PHF19: variants seen among roughly 807,000 people sequenced by gnomAD.
PHF19 encodes the protein polycomb like 3.
PHF19 carries 21 observed loss-of-function variants against 79.8 expected under a neutral mutation model. That is an observed-to-expected ratio of 0.26 (90% CI 0.19 to 0.38). PHF19 has a LOEUF of 0.38. Among genes scored for constraint, PHF19 ranks in the 10% least tolerant of loss-of-function variants. The pLI, the probability that PHF19 is intolerant of heterozygous loss-of-function variation, is 1.00. For missense variants in PHF19, 445 were observed against 744.2 expected, an observed-to-expected ratio of 0.60 and a Z score of 4.68; for synonymous variants, 273 against 296.3, an observed-to-expected ratio of 0.92 and a Z score of 0.81.
intron 1 of PHF19, among the ~76,000 whole-genome samples, chr9:120,889,199 G>A (rs970760234): frequency 6.6e-6 from 1 of 152,114 alleles, no homozygotes; most frequent in African/African-American, 2.4e-5. Context: ...AGGCTGAGGC[G>A]GGCGGATCAC....
In PHF19 at chr9:120,862,050, G is replaced by A. The variant is rs1353683045; in HGVS notation, c.1131-45C>T. On this transcript the variant is annotated intron_variant, in intron 11 of 14. Transcript: ENST00000373896. The surrounding 1 kb of genome is among the most constrained non-coding windows in gnomAD (Gnocchi z 4.6). ...AGAAGGTGGCCCCGTCAGAGCCTGA[G>A]GGCCCTAGGGTGGCCCAGAGGGAGG... 1 of 1,459,178 alleles carries A rather than the reference G, an allele frequency of 6.9e-7. No individual in the cohort carries two copies. Among genetic ancestry groups the A allele is most frequent in the Non-Finnish European group, 9.6e-7 (1 of 1,038,610 alleles). The allele number at this position is 1,459,178 out of a possible 1,614,324, so 90.4% of individuals were successfully genotyped here.
rs1008034515 is a variant in PHF19 at position 120,857,457 on chromosome 9, C to T, written c.*487G>A. Reference sequence around the variant, plus strand: ...CACTGAGCAGCATCCTCTTATCCACCTTCTCCCATGCTCTCTCAAAGGTGC... The same window carrying T: ...CACTGAGCAGCATCCTCTTATCCACTTTCTCCCATGCTCTCTCAAAGGTGC... On this transcript the variant is annotated 3_prime_UTR_variant, in exon 15 of 15. Coordinates refer to ENST00000373896, the MANE Select transcript of PHF19 (RefSeq NM_015651.3). 6.5e-6 allele frequency: 1 copy of T among 154,590 alleles called. No individual in the cohort carries two copies. The highest frequency in any genetic ancestry group is 2.4e-5 in the African/African-American group (1 of 41,528). 9.6% of individuals were successfully genotyped at this position (154,590 alleles called of 1,614,324 possible). A position where few individuals can be genotyped will look rare whatever the true frequency, so the allele number is the denominator to read the frequency against.
Position 120,862,027 on chromosome 9 carries a change from AAG to A in PHF19, c.1131-24_1131-23del. 1 of 1,589,746 alleles carries A rather than the reference AAG, an allele frequency of 6.3e-7. No homozygotes were observed. Among genetic ancestry groups the A allele is most frequent in the East Asian group, 2.2e-5 (1 of 44,734 alleles). ...CAAACTGTGGAGACAGAAGAGGGAGAAGGTGGCCCCGTCAGAGCCTGAGGGCC... is the reference window on the plus strand; with the variant it reads ...CAAACTGTGGAGACAGAAGAGGGAGAGTGGCCCCGTCAGAGCCTGAGGGCC... On this transcript the variant is annotated intron_variant, in intron 11 of 14. Transcript: ENST00000373896. This position sits in a 1 kb window ranked among gnomAD's most constrained non-coding sequence, Gnocchi z 4.6.
At position 120,857,638 on chromosome 9, in the gene PHF19, C is replaced by T. The variant is rs1588083451; in HGVS notation, c.*306G>A. On this transcript the variant is annotated 3_prime_UTR_variant, in exon 15 of 15. Transcript: ENST00000373896. ...CAACTGGGGACAAAGACCTGGGCCT[C>T]AGGAGGAAGGGTCCCAGCGCAGGGG... 2 of 299,740 alleles carry T rather than the reference C, an allele frequency of 6.7e-6. No individual in the cohort carries two copies. The highest frequency in any genetic ancestry group is 1.0e-4 in the Admixed American group (2 of 19,840). The allele number at this position is 299,740 out of a possible 1,614,324, so 18.6% of individuals were successfully genotyped here.
chr9:120,861,821 T>A lies in PHF19; in HGVS notation c.1218+97A>T, dbSNP rs935058946. 4.8e-6 allele frequency: 4 copies of A among 836,318 alleles called. No homozygotes were observed. The South Asian group carries it at 5.3e-5, about 11-fold the overall frequency. The allele number at this position is 836,318 out of a possible 1,614,324, so 51.8% of individuals were successfully genotyped here. ...GGCTTCTTTAAGGGACATGAGAGAG[T>A]CCTCTGGGCCTGGGGGACTTAGTTT... On this transcript the variant is annotated intron_variant, in intron 12 of 14. Coordinates refer to ENST00000373896, the MANE Select transcript of PHF19 (RefSeq NM_015651.3).
upstream of PHF19, among the ~76,000 whole-genome samples, chr9:120,881,146 T>TTTAA (rs67054335): frequency 0.68 from 98,362 of 143,810 alleles, 34,073 homozygotes; most frequent in Middle Eastern, 0.8. Context: ...ACATCGGGGG[T>TTTAA]TTGTTTTTTT....
intron 3 of PHF19, among the ~76,000 whole-genome samples, chr9:120,872,033 G>A: frequency 1.7e-5 from 1 of 58,152 alleles, no homozygotes; most frequent in Non-Finnish European, 3.0e-5. Flanking sequence ...GCAAGACTCT[G>A]TCTCAAAAAA....
upstream of PHF19, chr9:120,877,280 C>T (rs2046093893): frequency 5.4e-6 from 5 of 930,384 alleles, no homozygotes; most frequent in Non-Finnish European, 5.1e-6. Flanking sequence ...GAGGGAGGGG[C>T]CGGGGCGCTC....
Position 120,874,988 on chromosome 9 carries a change from A to ATT in PHF19, c.-15-233_-15-232insAA, listed in dbSNP as rs1456251326. On this transcript the variant is annotated intron_variant, in intron 1 of 14. Coordinates refer to ENST00000373896, the MANE Select transcript of PHF19 (RefSeq NM_015651.3). This position sits in a 1 kb window ranked among gnomAD's most constrained non-coding sequence, Gnocchi z 4.5. ...AGGCTGATGGGCCAAAGGCAGAGCC[A>ATT]TGGCCCATACCACACTACCTTTTAA... Among the ~76,000 whole-genome samples the ATT allele has an allele frequency of 6.6e-6, 1 of 152,202 alleles. No homozygotes were observed. The highest frequency in any genetic ancestry group is 1.5e-5 in the Non-Finnish European group (1 of 68,036).
chr9:120,866,128 G>A lies in PHF19; in HGVS notation c.711-32C>T. On this transcript the variant is annotated intron_variant, in intron 7 of 14. Transcript: ENST00000373896. This position sits in a 1 kb window ranked among gnomAD's most constrained non-coding sequence, Gnocchi z 5.2. The stretch of plus-strand genomic sequence containing the variant: ...GTGGGTAGAGACGGGGGCCTATGGT[G>A]GGAGGGGCTCTGACACCCCCACCCC... The A allele has an allele frequency of 6.4e-7, 1 of 1,550,444 alleles. No homozygotes were observed. The highest frequency in any genetic ancestry group is 8.9e-7 in the Non-Finnish European group (1 of 1,122,200).
In PHF19 at chr9:120,870,968, T is replaced by A. The variant is rs1188585127; in HGVS notation, c.269-430A>T. ...CCCAGGCTGGAGTGCAGTGGTGTGA[T>A]CTTGTCTCACTGCAACCTCCGCCTC... On this transcript the variant is annotated intron_variant, in intron 3 of 14. Transcript: ENST00000373896. This position sits in a 1 kb window ranked among gnomAD's most constrained non-coding sequence, Gnocchi z 4.4. Among the ~76,000 whole-genome samples the A allele has an allele frequency of 5.9e-5, 9 of 152,352 alleles. No homozygotes were observed. In the East Asian group the frequency reaches 1.7e-3, roughly 29 times the overall value.
chr9:120,872,066 A>AAAAAAAAAAAAAAAAAAAAAAAAAAAAAG, intron 3 of PHF19, among the ~76,000 whole-genome samples: 1 of 148,492 alleles, frequency 6.7e-6, no homozygotes, highest in Non-Finnish European at 1.5e-5. Flanking sequence ...AAAAAAAAAA[A>AAAAAAAAAAAAAAAAAAAAAAAAAAAAAG]AAGAAATGGT....
In PHF19 at chr9:120,860,771, A is replaced by C. The variant is rs377161031; in HGVS notation, c.1304+318T>G. 1,162 of 291,130 alleles carry C rather than the reference A, an allele frequency of 4.0e-3. 19 individuals carry two copies. The highest frequency in any genetic ancestry group is 0.022 in the African/African-American group (1,045 of 47,262). The allele number at this position is 291,130 out of a possible 1,614,324, so 18.0% of individuals were successfully genotyped here. On this transcript the variant is annotated intron_variant, in intron 13 of 14. Coordinates refer to ENST00000373896, the MANE Select transcript of PHF19 (RefSeq NM_015651.3). The surrounding 1 kb of genome is among the most constrained non-coding windows in gnomAD (Gnocchi z 4.1). ...GGGTTAGTAAAGCCTTCCTGGAAGA[A>C]GCAGGGTCCTGAGTTTTCAGATGGG...
chr9:120,870,474 A>G lies in PHF19; in HGVS notation c.333T>C (p.Asn111=), dbSNP rs913899791. The part of the protein sequence containing the change: ...ICLGKTSGPL[N]EILICGKCGL... ...CACACTTCCCGCAGATGAGGATCTCATTCAGCGGCCCTGATGTCTTCCCTA... is the reference window on the plus strand; with the variant it reads ...CACACTTCCCGCAGATGAGGATCTCGTTCAGCGGCCCTGATGTCTTCCCTA... The change falls in exon 4 of 15, where the codon AAT becomes AAC. Residue 111 remains asparagine (N), a synonymous_variant. Coordinates refer to ENST00000373896, the MANE Select transcript of PHF19 (RefSeq NM_015651.3). The surrounding 1 kb of genome is among the most constrained non-coding windows in gnomAD (Gnocchi z 4.4). 1 of 1,603,696 alleles carries G rather than the reference A, an allele frequency of 6.2e-7. No homozygotes were observed. The highest frequency in any genetic ancestry group is 8.5e-7 in the Non-Finnish European group (1 of 1,170,492).
At chr9:120,872,039 A>G (rs796253045) in intron 3 of PHF19, among the ~76,000 whole-genome samples, 518 of 123,106 alleles carry the variant, frequency 4.2e-3, no homozygotes, top group African/African-American at 0.019. Context: ...CTCTGTCTCA[A>G]AAAAAAAAAA....
At chr9:120,880,632 A>G (rs565896148), upstream of PHF19, among the ~76,000 whole-genome samples, 16 of 152,372 alleles carry the variant, frequency 1.1e-4, no homozygotes, top group East Asian at 3.1e-3. Flanking sequence ...AAGTTGTAGC[A>G]TAGGTACAGT....
At chr9:120,863,070 A>C (rs2045582860) in intron 10 of PHF19, 1 of 327,134 alleles carries the variant, frequency 3.1e-6, no homozygotes, top group African/African-American at 2.1e-5. Context: ...TGGAACTCCT[A>C]TGGTCAAGAT....
intron 6 of PHF19, among the ~76,000 whole-genome samples, chr9:120,867,822 C>T (rs142000560): frequency 2.0e-5 from 3 of 152,194 alleles, no homozygotes; most frequent in Admixed American, 6.5e-5. Context: ...GGGGTCCTGA[C>T]GGCTGAACTT....
upstream of PHF19, among the ~76,000 whole-genome samples, chr9:120,895,497 A>G (rs2046393767): frequency 6.6e-6 from 1 of 151,808 alleles, no homozygotes; most frequent in Non-Finnish European, 1.5e-5. Context: ...AAATAAGAAA[A>G]CAAAAAACAA....
Sources: allele counts gnomAD v4.1 joint callset (sites outside exome capture counted in the v4.1 genomes callset), GRCh38; gene constraint gnomAD v4.1.1; non-coding constraint Gnocchi (gnomAD v3.1); transcripts MANE v1.5; gene names NCBI Gene and HGNC (gene_info 2026-07-23, HGNC 2026-07-21).